ECPAS: variants seen among roughly 807,000 people sequenced by gnomAD.
The protein encoded by ECPAS is Ecm29 proteasome adaptor and scaffold.
ECPAS carries 70 observed loss-of-function variants against 255.1 expected under a neutral mutation model. The ratio of observed to expected loss-of-function variants is 0.27; its 90% confidence interval spans 0.23 to 0.33. ECPAS has a LOEUF of 0.33. Ranked by LOEUF, ECPAS falls within the 10% of genes least tolerant of loss-of-function variation. The pLI is 1.00. For synonymous variants in ECPAS, 784 were observed against 775.0 expected (o/e 1.01, Z -0.19); for missense variants, 1,817 against 2,206.4 (o/e 0.82, Z 3.54).
At chr9:111,391,559 C>T (rs892661481) in intron 29 of ECPAS, among the ~76,000 whole-genome samples, 197 bp downstream of exon 29, 12 of 145,634 alleles carry the variant, frequency 8.2e-5, no homozygotes, top group East Asian at 4.0e-4. Flanking sequence ...CCAGCCTAGG[C>T]AACAAAAGTG....
At position 111,360,740 on chromosome 9, in the gene ECPAS, T is replaced by C. The variant is rs2098112541; in HGVS notation, c.*1290A>G. 2 of 152,194 alleles carry C rather than the reference T, an allele frequency of 1.3e-5. No individual in the cohort carries two copies. The highest frequency in any genetic ancestry group is 2.9e-5 in the Non-Finnish European group (2 of 68,024). The allele number at this position is 152,194 out of a possible 1,614,324, so 9.4% of individuals were successfully genotyped here. On this transcript the variant is annotated 3_prime_UTR_variant, in exon 50 of 50. Coordinates refer to ENST00000684092, the MANE Select transcript of ECPAS (RefSeq NM_001364929.1). ...ATTATGACTTGCAGTCAAAAAAGTTTGAAATACATTGGTCAATAGAGACCA... is the reference window on the plus strand; with the variant it reads ...ATTATGACTTGCAGTCAAAAAAGTTCGAAATACATTGGTCAATAGAGACCA...
chr9:111,460,979 C>T (rs1249002395), intron 2 of ECPAS, among the ~76,000 whole-genome samples: 2 of 151,802 alleles, frequency 1.3e-5, no homozygotes, highest in African/African-American at 2.4e-5. Flanking sequence ...GCCTGGGCAA[C>T]ACAGGAAGAT....
At chr9:111,391,714 T>C in intron 29 of ECPAS, 42 bp downstream of exon 29, 1 of 1,187,600 alleles carries the variant, frequency 8.4e-7, no homozygotes. Context: ...TGCATATATA[T>C]ATTTAAAGAT....
intron 49 of ECPAS, among the ~76,000 whole-genome samples, chr9:111,362,498 A>T (rs1381690819): frequency 6.6e-6 from 1 of 152,108 alleles, no homozygotes; most frequent in Non-Finnish European, 1.5e-5. Context: ...ACACTGCAGC[A>T]AAAAAGTCAT....
At chr9:111,410,720 T>C (rs1000586902) in intron 22 of ECPAS, among the ~76,000 whole-genome samples, 10 of 152,148 alleles carry the variant, frequency 6.6e-5, no homozygotes, top group African/African-American at 2.2e-4. Context: ...GGTCTCACTA[T>C]GCTGACTAGA....
intron 33 of ECPAS, 75 bp from the exon 34 acceptor site, chr9:111,384,644 A>G: frequency 7.6e-7 from 1 of 1,314,592 alleles, no homozygotes; most frequent in East Asian, 2.3e-5. Flanking sequence ...TTGCAATTTA[A>G]TTGCCTCAGG....
chr9:111,444,344 T>C (rs1470890845), intron 4 of ECPAS, 34 bp downstream of exon 4: 1 of 1,459,760 alleles, frequency 6.9e-7, no homozygotes, highest in Non-Finnish European at 9.5e-7. Context: ...GAAAATTTGC[T>C]GTAAGTCAGA....
At chr9:111,435,746 C>T (rs1429861432) in intron 7 of ECPAS, among the ~76,000 whole-genome samples, 2 of 147,374 alleles carry the variant, frequency 1.4e-5, no homozygotes, top group East Asian at 4.0e-4. Context: ...GTGGCACGAT[C>T]TCGGCGCACT....
chr9:111,429,800 T>TCAAGTCCAGCCTAGGCAACATAGCTAA (rs2098227197), intron 9 of ECPAS, among the ~76,000 whole-genome samples: 3 of 152,256 alleles, frequency 2.0e-5, no homozygotes, highest in African/African-American at 7.2e-5. Flanking sequence ...GCCCAGAAGT[T>TCAAGTCCAGCCTAGGCAACATAGCTAA]CAAGTCCAGC....
At chr9:111,469,008 T>C (rs2098282999) in intron 2 of ECPAS, among the ~76,000 whole-genome samples, 1 of 152,182 alleles carries the variant, frequency 6.6e-6, no homozygotes, top group African/African-American at 2.4e-5. Flanking sequence ...CTATCTGAAA[T>C]ATCATCTCAA....
intron 36 of ECPAS, 133 bp downstream of exon 36, chr9:111,378,446 AG>A: frequency 1.2e-6 from 1 of 866,400 alleles, no homozygotes. Flanking sequence ...CCAAAAAAAC[AG>A]TAAAACACTG....
intron 15 of ECPAS, among the ~76,000 whole-genome samples, chr9:111,420,405 T>C (rs1277964884): frequency 6.6e-6 from 1 of 152,160 alleles, no homozygotes; most frequent in Non-Finnish European, 1.5e-5. Flanking sequence ...GGACCATAAC[T>C]AGAGAATCTC....
Position 111,482,964 on chromosome 9 carries a change from C to T in ECPAS, c.-83+1152G>A, listed in dbSNP as rs563036895. On this transcript the variant is annotated intron_variant, in intron 1 of 49. Coordinates refer to ENST00000684092, the MANE Select transcript of ECPAS (RefSeq NM_001364929.1). ...AAGCGCTGTCACCCCGTGGTTTCTC[C>T]TGCGGTTCGACCGGCGACCCTCTCC... 2.6e-5 allele frequency among the ~76,000 whole-genome samples: 4 copies of T among 152,348 alleles called. No individual in the cohort carries two copies. In the South Asian group the frequency reaches 8.3e-4, roughly 32 times the overall value.
chr9:111,370,331 C>T (rs1311015218), intron 45 of ECPAS, 104 bp downstream of exon 45: 14 of 724,538 alleles, frequency 1.9e-5, no homozygotes, highest in African/African-American at 3.6e-5. Context: ...TTCTCTGCTA[C>T]TTGCAGCTAA....
At chr9:111,433,419 G>C (rs772181417) in intron 7 of ECPAS, 47 bp from the exon 8 acceptor site, 1 of 1,605,204 alleles carries the variant, frequency 6.2e-7, no homozygotes, top group Non-Finnish European at 8.5e-7. Flanking sequence ...GGGGAGCAAA[G>C]GACACCCACT....
intron 1 of ECPAS, among the ~76,000 whole-genome samples, chr9:111,478,479 A>G (rs1016582779): frequency 2.6e-5 from 4 of 152,106 alleles, no homozygotes. Flanking sequence ...GTGATCTGAG[A>G]TTGCACCACG....
Position 111,451,447 on chromosome 9 carries a change from G to A in ECPAS, c.131C>T (p.Thr44Ile). 3 of 1,574,240 alleles carry A rather than the reference G, an allele frequency of 1.9e-6. No homozygotes were observed. The highest frequency in any genetic ancestry group is 2.3e-5 in the South Asian group (2 of 85,384). The stretch of plus-strand genomic sequence containing the variant: ...TACCTTTTTACGTACTCCTTCTTGG[G>A]TGCTAGAGAGTTTGAGCAAAACAGG... ...LPPVLLKLSS[T>I]QEGVRKKVME... The change falls in exon 3 of 50, where the codon ACC becomes ATC. Residue 44 changes from threonine to isoleucine, a missense_variant. Transcript: ENST00000684092.
chr9:111,390,195 T>C (rs1821348744), intron 29 of ECPAS, 94 bp from the exon 30 acceptor site: 4 of 650,072 alleles, frequency 6.2e-6, no homozygotes, highest in African/African-American at 1.8e-5. Flanking sequence ...CATACTAAAA[T>C]CAAATTTTCA....
intron 3 of ECPAS, 104 bp from the exon 4 acceptor site, chr9:111,444,598 T>C (rs2098250332): frequency 1.4e-6 from 1 of 728,580 alleles, no homozygotes; most frequent in African/African-American, 1.8e-5. Context: ...GAATAGTAGC[T>C]ACTTTGTTCT....
Sources: allele counts gnomAD v4.1 joint callset (sites outside exome capture counted in the v4.1 genomes callset), GRCh38; gene constraint gnomAD v4.1.1; transcripts MANE v1.5; gene names NCBI Gene and HGNC (gene_info 2026-07-23, HGNC 2026-07-21).